The following NXPH2 variants were observed in gnomAD, a reference collection of about 807,000 sequenced individuals.
NXPH2 encodes neurexophilin 2.
A neutral mutation model predicts 19.8 loss-of-function variants in NXPH2; 5 were observed. The ratio of observed to expected loss-of-function variants is 0.25; its 90% CI spans 0.13 to 0.53. NXPH2 has a LOEUF of 0.53. Ranked by LOEUF, NXPH2 falls within the 20% of genes least tolerant of loss-of-function variation. The pLI, the probability that NXPH2 is intolerant of heterozygous loss-of-function variation, is 0.96. For synonymous variants in NXPH2, 154 were observed against 127.4 expected (o/e 1.21, Z -1.41); for missense variants, 289 against 322.8 (o/e 0.90, Z 0.80).
chr2:138,716,100 G>C (rs1428216984), intron 1 of NXPH2, among the ~76,000 whole-genome samples: 2 of 152,020 alleles, frequency 1.3e-5, no homozygotes, highest in Non-Finnish European at 2.9e-5. Context: ...TGGTGTTTCT[G>C]GTTTTAGTTT....
At chr2:138,676,507 G>A (rs1317216390) in intron 1 of NXPH2, among the ~76,000 whole-genome samples, 1 of 152,150 alleles carries the variant, frequency 6.6e-6, no homozygotes, top group African/African-American at 2.4e-5. Context: ...CAATAGGGAA[G>A]CAGCCTGATA....
At chr2:138,691,743 C>A (rs1273440480) in intron 1 of NXPH2, among the ~76,000 whole-genome samples, 1 of 152,148 alleles carries the variant, frequency 6.6e-6, no homozygotes, top group African/African-American at 2.4e-5. Flanking sequence ...CAGATGAGTG[C>A]AAACTGCCAG....
At position 138,687,751 on chromosome 2, in the gene NXPH2, A is replaced by G. The variant is rs562223976; in HGVS notation, c.52-16086T>C. Among the ~76,000 whole-genome samples, 3 of 152,344 alleles carry G rather than the reference A, an allele frequency of 2.0e-5. No individual in the cohort carries two copies. In the South Asian group the frequency reaches 6.2e-4, roughly 32 times the overall value. Reference sequence around the variant, plus strand: ...GGAAGGGATCAAGTTTCAGCTTTCTACATATGGCTAGCCAGTTTTCCCAGC... The same window carrying G: ...GGAAGGGATCAAGTTTCAGCTTTCTGCATATGGCTAGCCAGTTTTCCCAGC... On this transcript the variant is annotated intron_variant, in intron 1 of 1. Transcript: ENST00000272641.
At chr2:138,769,733 C>T (rs34501715) in intron 1 of NXPH2, among the ~76,000 whole-genome samples, 9,158 of 152,192 alleles carry the variant, frequency 0.06, 361 homozygotes, top group Middle Eastern at 0.12. Context: ...GCACAAAGCT[C>T]GTGGGGTTTT....
intron 1 of NXPH2, among the ~76,000 whole-genome samples, chr2:138,705,754 G>A (rs143548993): frequency 4.6e-5 from 7 of 152,124 alleles, no homozygotes; most frequent in African/African-American, 1.4e-4. Context: ...AGTGGTCCTT[G>A]TTCTCTCTCT....
At chr2:138,720,533 A>C (rs928428256) in intron 1 of NXPH2, among the ~76,000 whole-genome samples, 16 of 152,216 alleles carry the variant, frequency 1.1e-4, no homozygotes, top group African/African-American at 3.9e-4. Context: ...TCATAAATTA[A>C]ATCTATTTAT....
intron 1 of NXPH2, among the ~76,000 whole-genome samples, chr2:138,672,981 C>T (rs193059234): frequency 4.6e-5 from 7 of 152,232 alleles, no homozygotes; most frequent in African/African-American, 1.7e-4. Context: ...GTGTTTCCAC[C>T]TATGTCTAGT....
intron 1 of NXPH2, among the ~76,000 whole-genome samples, chr2:138,730,574 G>A (rs1421331820): frequency 6.6e-6 from 1 of 152,066 alleles, no homozygotes; most frequent in Non-Finnish European, 1.5e-5. Context: ...ATGCTATGAG[G>A]CAGCCCAGGG....
At chr2:138,766,002 G>A (rs2104841525) in intron 1 of NXPH2, among the ~76,000 whole-genome samples, 1 of 152,292 alleles carries the variant, frequency 6.6e-6, no homozygotes, top group East Asian at 1.9e-4. Context: ...GATAATATCT[G>A]AACCTGACAC....
intron 1 of NXPH2, among the ~76,000 whole-genome samples, chr2:138,726,569 T>C (rs1159427510): frequency 6.7e-6 from 1 of 149,236 alleles, no homozygotes; most frequent in Non-Finnish European, 1.5e-5. Flanking sequence ...CCCTCCAACA[T>C]AGCACCAAAG....
At chr2:138,682,321 C>T (rs1680590864) in intron 1 of NXPH2, among the ~76,000 whole-genome samples, 1 of 152,144 alleles carries the variant, frequency 6.6e-6, no homozygotes, top group Admixed American at 6.5e-5. Flanking sequence ...GCTGACAAAA[C>T]AGGAACATGC....
At chr2:138,737,004 C>T (rs1215908173) in intron 1 of NXPH2, among the ~76,000 whole-genome samples, 2 of 152,130 alleles carry the variant, frequency 1.3e-5, no homozygotes, top group Non-Finnish European at 2.9e-5. Context: ...TGTCCATATC[C>T]CTATCAGTAT....
chr2:138,766,364 G>T (rs1209300938), intron 1 of NXPH2, among the ~76,000 whole-genome samples: 1 of 152,164 alleles, frequency 6.6e-6, no homozygotes, highest in African/African-American at 2.4e-5. Context: ...CCTATGGCAG[G>T]TTTCTCACCC....
chr2:138,727,883 G>A (rs934409411), intron 1 of NXPH2, among the ~76,000 whole-genome samples: 1 of 152,028 alleles, frequency 6.6e-6, no homozygotes, highest in East Asian at 1.9e-4. Context: ...GAAGACAAAG[G>A]CAGACATTAC....
At chr2:138,679,846 C>A (rs953125428) in intron 1 of NXPH2, among the ~76,000 whole-genome samples, 1 of 152,128 alleles carries the variant, frequency 6.6e-6, no homozygotes, top group Non-Finnish European at 1.5e-5. Context: ...AAGTTTATTG[C>A]TTCACTGATT....
intron 1 of NXPH2, among the ~76,000 whole-genome samples, chr2:138,704,194 T>A (rs112464789): frequency 1.3e-5 from 2 of 152,330 alleles, no homozygotes; most frequent in African/African-American, 4.8e-5. Context: ...TATGTCAATG[T>A]TCCTGACTAA....
At chr2:138,675,955 ATGTGTG>A (rs61124904) in intron 1 of NXPH2, among the ~76,000 whole-genome samples, 5,852 of 150,092 alleles carry the variant, frequency 0.039, 148 homozygotes, top group African/African-American at 0.058. Context: ...ATATATACAT[ATGTGTG>A]TGTGTGTGTG....
At chr2:138,681,076 A>G (rs1250194251) in intron 1 of NXPH2, among the ~76,000 whole-genome samples, 3 of 152,226 alleles carry the variant, frequency 2.0e-5, no homozygotes, top group South Asian at 2.1e-4. Flanking sequence ...TTGAAGGTGC[A>G]TAAGATGCAG....
chr2:138,741,435 C>T (rs977944790), intron 1 of NXPH2, among the ~76,000 whole-genome samples: 13 of 152,232 alleles, frequency 8.5e-5, no homozygotes, highest in African/African-American at 2.9e-4. Flanking sequence ...TTAGAGAATG[C>T]TAGAAAAACA....
Sources: allele counts gnomAD v4.1 joint callset (sites outside exome capture counted in the v4.1 genomes callset), GRCh38; gene constraint gnomAD v4.1.1; transcripts MANE v1.5; gene names NCBI Gene and HGNC (gene_info 2026-07-23, HGNC 2026-07-21).